CFAP299: variants seen among roughly 807,000 people sequenced by gnomAD.
CFAP299 encodes the protein cilia and flagella associated protein 299.
Under a neutral mutation model 27.0 loss-of-function variants are expected in CFAP299, and 21 were observed. That is an observed-to-expected ratio of 0.78 (90% confidence interval 0.55 to 1.12). The LOEUF (loss-of-function observed/expected upper bound fraction) is 1.12. Ranked by LOEUF, CFAP299 falls within the 50% of genes most tolerant of loss-of-function variation. CFAP299 has a pLI of 0.00. For missense variants in CFAP299, 310 were observed against 276.6 expected, an observed-to-expected ratio of 1.12 and a Z score of -0.86; for synonymous variants, 104 against 98.1, an observed-to-expected ratio of 1.06 and a Z score of -0.36.
intron 3 of CFAP299, among the ~76,000 whole-genome samples, chr4:80,637,679 G>C (rs952897619): frequency 7.2e-5 from 11 of 152,124 alleles, no homozygotes; most frequent in African/African-American, 2.7e-4. Flanking sequence ...AACATGTAAG[G>C]TAGTCTCATT....
chr4:80,386,123 C>T (rs1724964734), intron 2 of CFAP299: 3 of 491,518 alleles, frequency 6.1e-6, no homozygotes, highest in South Asian at 4.6e-5. Context: ...CCCCAGGGAG[C>T]CTGGACCCAA....
chr4:80,477,211 G>A (rs1241273495), intron 2 of CFAP299, among the ~76,000 whole-genome samples: 1 of 151,988 alleles, frequency 6.6e-6, no homozygotes, highest in African/African-American at 2.4e-5. Context: ...ACAGGCACAT[G>A]CCACTGTGCC....
chr4:80,863,330 A>G (rs1340061001), intron 3 of CFAP299, among the ~76,000 whole-genome samples: 2 of 152,070 alleles, frequency 1.3e-5, no homozygotes, highest in Non-Finnish European at 2.9e-5. Flanking sequence ...AGCTTATAAC[A>G]AGTTCATGAA....
intron 3 of CFAP299, among the ~76,000 whole-genome samples, chr4:80,723,043 A>G (rs1008574725): frequency 6.6e-6 from 1 of 152,246 alleles, no homozygotes; most frequent in Non-Finnish European, 1.5e-5. Context: ...TAAAACCACA[A>G]TGCGATACTA....
At chr4:80,856,172 T>C (rs1156785255) in intron 3 of CFAP299, among the ~76,000 whole-genome samples, 1 of 151,774 alleles carries the variant, frequency 6.6e-6, no homozygotes, top group Non-Finnish European at 1.5e-5. Flanking sequence ...GGTGAGCATT[T>C]TTTCATGTGT....
intron 3 of CFAP299, among the ~76,000 whole-genome samples, chr4:80,599,153 C>T (rs781001125): frequency 2.6e-5 from 4 of 152,166 alleles, no homozygotes; most frequent in Non-Finnish European, 5.9e-5. Context: ...TTATGCAGTG[C>T]ACTGTTCTAT....
chr4:80,705,293 C>A (rs73829105), intron 3 of CFAP299, among the ~76,000 whole-genome samples: 1 of 151,654 alleles, frequency 6.6e-6, no homozygotes, highest in African/African-American at 2.4e-5. Context: ...TTCAGGGGCC[C>A]AGGTTAATGG....
At chr4:80,534,629 A>G (rs925645988) in intron 2 of CFAP299, among the ~76,000 whole-genome samples, 11 of 152,192 alleles carry the variant, frequency 7.2e-5, no homozygotes, top group African/African-American at 2.6e-4. Context: ...ATTTTCTACT[A>G]TATGTTTAAA....
chr4:80,419,837 C>T (rs910330235), intron 2 of CFAP299, among the ~76,000 whole-genome samples: 3 of 152,106 alleles, frequency 2.0e-5, no homozygotes, highest in African/African-American at 4.8e-5. Flanking sequence ...ATAAGGGTTT[C>T]GTTTTTTCCA....
At chr4:80,962,182 A>G (rs1037558633) in intron 5 of CFAP299, among the ~76,000 whole-genome samples, 1 of 152,008 alleles carries the variant, frequency 6.6e-6, no homozygotes, top group Non-Finnish European at 1.5e-5. Flanking sequence ...AATATTTACA[A>G]GATAATTTTT....
chr4:80,380,169 G>T (rs1187774035), intron 2 of CFAP299, among the ~76,000 whole-genome samples: 1 of 151,512 alleles, frequency 6.6e-6, no homozygotes, highest in African/African-American at 2.4e-5. Flanking sequence ...CTTCACTCTT[G>T]GCAAGATTTT....
chr4:80,416,669 G>C (rs1250900868), intron 2 of CFAP299, among the ~76,000 whole-genome samples: 1 of 152,140 alleles, frequency 6.6e-6, no homozygotes, highest in East Asian at 1.9e-4. Flanking sequence ...TTAAATAAAA[G>C]ATAATTTGTA....
chr4:80,328,642 TGCC>T, the CFAP299 span, among the ~76,000 whole-genome samples: 2 of 152,148 alleles, frequency 1.3e-5, no homozygotes, highest in Non-Finnish European at 2.9e-5. Context: ...ATGTTGGTAT[TGCC>T]AAGTATGTTG....
intron 4 of CFAP299, among the ~76,000 whole-genome samples, chr4:80,889,043 C>T (rs1734115165): frequency 5.8e-5 from 6 of 103,026 alleles, no homozygotes; most frequent in Admixed American, 5.5e-4. Context: ...AGAGGGAAAA[C>T]TTCAAATAAA....
At chr4:80,697,433 C>T (rs952072662) in intron 3 of CFAP299, among the ~76,000 whole-genome samples, 2 of 152,106 alleles carry the variant, frequency 1.3e-5, no homozygotes, top group East Asian at 1.9e-4. Context: ...ACCCTATTGC[C>T]TCACCTCTTC....
At chr4:80,857,512 T>C (rs1170862030) in intron 3 of CFAP299, among the ~76,000 whole-genome samples, 1 of 152,222 alleles carries the variant, frequency 6.6e-6, no homozygotes, top group Non-Finnish European at 1.5e-5. Flanking sequence ...TTCCAGTTTT[T>C]GCCCATTCAG....
At chr4:80,371,819 T>G (rs1724166052) in intron 2 of CFAP299, among the ~76,000 whole-genome samples, 1 of 152,196 alleles carries the variant, frequency 6.6e-6, no homozygotes, top group Non-Finnish European at 1.5e-5. Flanking sequence ...AACAAGTATC[T>G]AGGAAGCTTT....
intron 2 of CFAP299, among the ~76,000 whole-genome samples, chr4:80,512,511 CT>C (rs1377934651): frequency 2.0e-5 from 3 of 152,038 alleles, no homozygotes; most frequent in Non-Finnish European, 4.4e-5. Flanking sequence ...GTCATCAGGG[CT>C]TTTGGCGAAT....
Position 80,498,188 on chromosome 4 carries a change from C to T in CFAP299, c.243-84905C>T, listed in dbSNP as rs541992699. On this transcript the variant is annotated intron_variant, in intron 2 of 5. Transcript: ENST00000358105. Reference sequence around the variant, plus strand: ...TTACCATTCTGGACATTAGACTTGGCAAATAAATTATGACTAAGTCCCTAA... The same window carrying T: ...TTACCATTCTGGACATTAGACTTGGTAAATAAATTATGACTAAGTCCCTAA... 1.1e-4 allele frequency among the ~76,000 whole-genome samples: 16 copies of T among 152,156 alleles called. No individual in the cohort carries two copies. The South Asian group carries it at 3.3e-3, about 32-fold the overall frequency.
Sources: gnomAD v4.1 joint callset for allele counts (sites outside exome capture counted in the v4.1 genomes callset) on GRCh38, gnomAD v4.1.1 for gene constraint, MANE v1.5 for transcripts, NCBI Gene and HGNC (gene_info 2026-07-23, HGNC 2026-07-21) for gene names.